Variants in TSNAX observed in about 807,000 individuals in gnomAD.
The protein encoded by TSNAX is translin-associated protein X.
TSNAX carries 12 observed loss-of-function variants against 33.0 expected under a neutral mutation model. The observed-to-expected ratio is 0.36, with a 90% CI of 0.23 to 0.59. The LOEUF (loss-of-function observed/expected upper bound fraction) is 0.59. Among genes scored for constraint, TSNAX ranks in the 20% least tolerant of loss-of-function variants. TSNAX has a pLI of 0.74. For missense variants in TSNAX, 267 were observed against 341.3 expected, an observed-to-expected ratio of 0.78 and a Z score of 1.72; for synonymous variants, 110 against 117.2, an observed-to-expected ratio of 0.94 and a Z score of 0.40.
At chr1:231,558,347 A>G (rs943670124) in intron 4 of TSNAX, among the ~76,000 whole-genome samples, 2 of 152,180 alleles carry the variant, frequency 1.3e-5, no homozygotes, top group South Asian at 2.1e-4. Context: ...AGAACCAGGC[A>G]GAGAGCTCTT....
At position 231,529,265 on chromosome 1, in the gene TSNAX, G is replaced by A; in HGVS notation, c.27G>A (p.Gly9=). 1.2e-6 allele frequency: 2 copies of A among 1,614,094 alleles called. No individual in the cohort carries two copies. The highest frequency in any genetic ancestry group is 1.7e-6 in the Non-Finnish European group (2 of 1,180,022). MSNKEGSG[G]FRKRKHDNFP... ...TCTTCTCTATATAAGGATCAGGAGG[G>A]TTCAGGAAAAGGAAGCATGACAATT... The change falls in exon 2 of 6, where the codon GGG becomes GGA. Residue 9 remains glycine (G), a synonymous_variant. Transcript: ENST00000366639.
At chr1:231,542,728 AG>A (rs1476246957) in intron 4 of TSNAX, 117 bp downstream of exon 4, 2 of 1,241,292 alleles carry the variant, frequency 1.6e-6, no homozygotes, top group Non-Finnish European at 2.2e-6. Flanking sequence ...TGGCTTTTAA[AG>A]AACTGCAACT....
At position 231,563,210 on chromosome 1, in the gene TSNAX, T is replaced by C. The variant is rs115863907; in HGVS notation, c.496-1318T>C. Among the ~76,000 whole-genome samples the C allele has an allele frequency of 6.1e-3, 925 of 152,364 alleles. 9 individuals are homozygous for C. The highest frequency in any genetic ancestry group is 0.021 in the African/African-American group (879 of 41,588). On this transcript the variant is annotated intron_variant, in intron 5 of 5. Coordinates refer to ENST00000366639, the MANE Select transcript of TSNAX (RefSeq NM_005999.3). ...GTAGTTCCCACTACCTAAAATGTCC[T>C]TTGATGTAACTGCAACTTCACCTAC... is the stretch of plus-strand genomic sequence containing the variant.
intron 4 of TSNAX, among the ~76,000 whole-genome samples, chr1:231,550,862 G>A (rs1660253565): frequency 6.6e-6 from 1 of 152,126 alleles, no homozygotes; most frequent in Non-Finnish European, 1.5e-5. Flanking sequence ...AATGGAGGAG[G>A]TCATAGGAAG....
intron 3 of TSNAX, among the ~76,000 whole-genome samples, 170 bp downstream of exon 3, chr1:231,537,497 T>A (rs1039337276): frequency 6.6e-6 from 1 of 152,106 alleles, no homozygotes; most frequent in South Asian, 2.1e-4. Context: ...TCTCAGCACT[T>A]TGGGAGGCCA....
At chr1:231,546,911 C>T (rs1358050127) in intron 4 of TSNAX, among the ~76,000 whole-genome samples, 1 of 152,140 alleles carries the variant, frequency 6.6e-6, no homozygotes, top group Non-Finnish European at 1.5e-5. Flanking sequence ...ATTTTATGCA[C>T]CAGCCCTGGA....
rs1661357268 is a variant in TSNAX at position 231,565,414 on chromosome 1, C to CT, written c.*510dup. The CT allele has an allele frequency of 6.5e-6, 1 of 152,858 alleles. No homozygotes were observed. 9.5% of individuals were successfully genotyped at this position (152,858 alleles called of 1,614,324 possible). ...GGAACAAGAATTAAAAATGAATAAG[C>CT]TATCAATATATAATTTAAGTACAAG... On this transcript the variant is annotated 3_prime_UTR_variant, in exon 6 of 6. Coordinates refer to ENST00000366639, the MANE Select transcript of TSNAX (RefSeq NM_005999.3).
chr1:231,556,452 G>A (rs960424034), intron 4 of TSNAX, among the ~76,000 whole-genome samples: 2 of 152,224 alleles, frequency 1.3e-5, no homozygotes, highest in African/African-American at 4.8e-5. Flanking sequence ...GAATGATACA[G>A]AATATTAGTA....
At chr1:231,540,274 A>G (rs1659489869) in intron 3 of TSNAX, among the ~76,000 whole-genome samples, 1 of 152,114 alleles carries the variant, frequency 6.6e-6, no homozygotes, top group South Asian at 2.1e-4. Context: ...TTTAACTACA[A>G]AATTATTTTA....
At chr1:231,541,061 G>C (rs1186454565) in intron 3 of TSNAX, among the ~76,000 whole-genome samples, 1 of 152,024 alleles carries the variant, frequency 6.6e-6, no homozygotes, top group Non-Finnish European at 1.5e-5. Flanking sequence ...CTGCTTGTTA[G>C]TGCAGGTGTT....
rs753202892 is a variant in TSNAX at position 231,537,291 on chromosome 1, G to A, written c.200G>A (p.Ser67Asn). 5.4e-5 allele frequency: 87 copies of A among 1,613,300 alleles called. No individual in the cohort carries two copies. The highest frequency in any genetic ancestry group is 1.0e-5 in the Non-Finnish European group (12 of 1,179,764). The change falls in exon 3 of 6, where the codon AGT becomes AAT. Residue 67 changes from serine to asparagine, a missense_variant. Transcript: ENST00000366639. ...VKLSRDITVESKRTIFLLHRI... is the reference protein window; with the variant it reads ...VKLSRDITVENKRTIFLLHRI... The stretch of plus-strand genomic sequence containing the variant: ...CTTAGTCGGGATATAACTGTTGAAA[G>A]TAAAAGGACAATTTTTCTCCTCCAT...
At chr1:231,561,546 A>T (rs745852567) in intron 5 of TSNAX, among the ~76,000 whole-genome samples, 1 of 152,186 alleles carries the variant, frequency 6.6e-6, no homozygotes, top group Non-Finnish European at 1.5e-5. Flanking sequence ...GCCCTTTGTA[A>T]GCACTGTCTT....
rs201040937 is a variant in TSNAX at position 231,556,333 on chromosome 1, AT to A, written c.368-4791del. 6.1e-3 allele frequency among the ~76,000 whole-genome samples: 928 copies of A among 152,342 alleles called. 9 individuals carry two copies. Among genetic ancestry groups the A allele is most frequent in the African/African-American group, 0.021 (882 of 41,582 alleles). ...TGATGGTACTTTTAAAATTTGGAATATTTTGAACTATTCTTCCACTGAAATA... is the reference window on the plus strand; with the variant it reads ...TGATGGTACTTTTAAAATTTGGAATATTTGAACTATTCTTCCACTGAAATA... On this transcript the variant is annotated intron_variant, in intron 4 of 5. Coordinates refer to ENST00000366639, the MANE Select transcript of TSNAX (RefSeq NM_005999.3).
chr1:231,552,864 G>T (rs984315910), intron 4 of TSNAX, among the ~76,000 whole-genome samples: 2 of 152,094 alleles, frequency 1.3e-5, no homozygotes, highest in African/African-American at 4.8e-5. Context: ...GGCCTCTTGC[G>T]TCTGGTTTCT....
chr1:231,539,581 T>C (rs2124896335), intron 3 of TSNAX, among the ~76,000 whole-genome samples: 1 of 152,338 alleles, frequency 6.6e-6, no homozygotes, highest in Non-Finnish European at 1.5e-5. Context: ...AGTCATCTTT[T>C]AAATATTTTT....
chr1:231,558,174 T>TG (rs760938653), intron 4 of TSNAX, among the ~76,000 whole-genome samples: 12 of 152,068 alleles, frequency 7.9e-5, no homozygotes, highest in Non-Finnish European at 1.3e-4. Context: ...AAGCTGTCCA[T>TG]GGGGAAATGC....
chr1:231,543,345 T>A (rs1659701215), intron 4 of TSNAX, among the ~76,000 whole-genome samples: 1 of 151,646 alleles, frequency 6.6e-6, no homozygotes, highest in African/African-American at 2.4e-5. Context: ...TCAGTATCCC[T>A]TATCCAAAAT....
At chr1:231,558,665 A>G (rs1000904030) in intron 4 of TSNAX, among the ~76,000 whole-genome samples, 3 of 152,134 alleles carry the variant, frequency 2.0e-5, no homozygotes, top group Non-Finnish European at 4.4e-5. Flanking sequence ...TTTTGTGTGC[A>G]TGAAGTATCT....
intron 4 of TSNAX, among the ~76,000 whole-genome samples, chr1:231,558,297 C>G (rs567949984): frequency 6.6e-6 from 1 of 152,264 alleles, no homozygotes; most frequent in Admixed American, 6.5e-5. Flanking sequence ...CCTTGAAGTG[C>G]TGGCTGCCCC....
Sources: gnomAD v4.1 joint callset for allele counts (sites outside exome capture counted in the v4.1 genomes callset) on GRCh38, gnomAD v4.1.1 for gene constraint, MANE v1.5 for transcripts, NCBI Gene and HGNC (gene_info 2026-07-23, HGNC 2026-07-21) for gene names.